SHD: variants seen among roughly 807,000 people sequenced by gnomAD.
The protein encoded by SHD is SH2 domain-containing adapter protein D.
Under a neutral mutation model 31.2 loss-of-function variants are expected in SHD, and 29 were observed. The ratio of observed to expected loss-of-function variants is 0.93; its 90% CI spans 0.69 to 1.27. The LOEUF (loss-of-function observed/expected upper bound fraction) is 1.27, where lower values mean the gene tolerates loss of function less well. SHD is among the 50% of genes most tolerant of loss of function. SHD has a pLI of 0.00. For synonymous variants in SHD, 208 were observed against 187.8 expected (o/e 1.11, Z -0.88); for missense variants, 520 against 453.8 (o/e 1.15, Z -1.33).
At chr19:4,286,200 C>T (rs1256680458) in intron 4 of SHD, among the ~76,000 whole-genome samples, 2 of 130,644 alleles carry the variant, frequency 1.5e-5, no homozygotes, top group Admixed American at 8.3e-5. Flanking sequence ...CCCGCTCTTT[C>T]TTTTTCTTTC....
rs1379878481 is a variant in SHD at position 4,282,628 on chromosome 19, A to C, written c.298-242A>C. 4.6e-5 allele frequency among the ~76,000 whole-genome samples: 7 copies of C among 152,060 alleles called. No individual in the cohort carries two copies. The South Asian group carries it at 1.0e-3, about 23-fold the overall frequency. On this transcript the variant is annotated intron_variant, in intron 1 of 5. Transcript: ENST00000543264. Reference sequence around the variant, plus strand: ...CTACTCGGGAGGCTGAGGCAGGAGAATGACGTGAACCCAGGAGGCAGAGCT... The same window carrying C: ...CTACTCGGGAGGCTGAGGCAGGAGACTGACGTGAACCCAGGAGGCAGAGCT...
At chr19:4,284,632 C>A in intron 3 of SHD, 149 bp from the exon 4 acceptor site, 1 of 966,166 alleles carries the variant, frequency 1.0e-6, no homozygotes, top group Non-Finnish European at 1.4e-6. Flanking sequence ...TGTGGCCAAT[C>A]CTGCCCCTGC....
chr19:4,290,638 G>T lies in SHD; in HGVS notation c.*5G>T. The T allele has an allele frequency of 2.5e-6, 4 of 1,588,930 alleles. No homozygotes were observed. Among genetic ancestry groups the T allele is most frequent in the Non-Finnish European group, 3.4e-6 (4 of 1,164,690 alleles). The stretch of plus-strand genomic sequence containing the variant: ...GTGGTCACGCAGACCCCCTGACAGT[G>T]ACCCTCGGCCCCCTTTTGAGTCCTC... On this transcript the variant is annotated 3_prime_UTR_variant, in exon 6 of 6. Coordinates refer to ENST00000543264, the MANE Select transcript of SHD (RefSeq NM_020209.4).
chr19:4,287,809 A>G (rs1263974307), intron 4 of SHD, among the ~76,000 whole-genome samples: 6 of 151,966 alleles, frequency 3.9e-5, no homozygotes, highest in African/African-American at 1.5e-4. Context: ...AGAAAACTCC[A>G]AGGGAATTGT....
rs1340723246 is a variant in SHD at position 4,285,934 on chromosome 19, C to G, written c.716+1030C>G. Among the ~76,000 whole-genome samples, 24 of 130,018 alleles carry G rather than the reference C, an allele frequency of 1.8e-4. No homozygotes were observed. The Admixed American group carries it at 2.2e-3, about 12-fold the overall frequency. 85.3% of individuals were successfully genotyped at this position (130,018 alleles called of 152,430 possible). A position where few individuals can be genotyped will look rare whatever the true frequency, so the allele number is the denominator to read the frequency against. ...TTGACAGAGCCTCGCTCTTGTCGCC[C>G]AGGCTGGAGTGCAATGACACAATCT... On this transcript the variant is annotated intron_variant, in intron 4 of 5. Coordinates refer to ENST00000543264, the MANE Select transcript of SHD (RefSeq NM_020209.4).
At chr19:4,288,200 G>C in intron 4 of SHD, 43 bp from the exon 5 acceptor site, 2 of 1,595,244 alleles carry the variant, frequency 1.3e-6, no homozygotes, top group Non-Finnish European at 1.7e-6. Flanking sequence ...GAGTGTGTTT[G>C]AAGGGAATGG....
chr19:4,282,194 C>T (rs899871989), intron 1 of SHD, among the ~76,000 whole-genome samples: 1 of 151,938 alleles, frequency 6.6e-6, no homozygotes, highest in Non-Finnish European at 1.5e-5. Flanking sequence ...CTGAAGCGGG[C>T]GGATCATCTG....
chr19:4,288,858 G>A (rs1391372149), intron 5 of SHD, among the ~76,000 whole-genome samples: 1 of 152,096 alleles, frequency 6.6e-6, no homozygotes, highest in Non-Finnish European at 1.5e-5. Context: ...GATTGGGGCT[G>A]AGCGCGGCAG....
intron 4 of SHD, among the ~76,000 whole-genome samples, chr19:4,287,829 T>G (rs1971335955): frequency 1.3e-5 from 2 of 151,986 alleles, no homozygotes; most frequent in East Asian, 3.9e-4. Context: ...TCCTTCTTCA[T>G]TTGCCCAGAT....
chr19:4,290,332 G>C, intron 5 of SHD, 115 bp from the exon 6 acceptor site: 1 of 1,106,618 alleles, frequency 9.0e-7, no homozygotes, highest in Admixed American at 2.4e-5. Context: ...CTGTTTACCA[G>C]AGACTGGAGA....
intron 5 of SHD, 29 bp from the exon 6 acceptor site, chr19:4,290,418 C>G (rs373327277): frequency 8.2e-6 from 13 of 1,594,336 alleles, no homozygotes; most frequent in South Asian, 8.0e-5. Context: ...CCGGGATGCT[C>G]AGGAGTCCCT....
intron 3 of SHD, 194 bp from the exon 4 acceptor site, chr19:4,284,587 G>T (rs1599513144): frequency 2.0e-6 from 1 of 490,900 alleles, no homozygotes; most frequent in Non-Finnish European, 3.3e-6. Context: ...ATAAATGACC[G>T]CACCTATTTC....
chr19:4,280,160 GC>G lies in SHD; in HGVS notation c.99del (p.Tyr34ThrfsTer74). 6.2e-7 allele frequency: 1 copy of G among 1,613,924 alleles called. No homozygotes were observed. The highest frequency in any genetic ancestry group is 8.5e-7 in the Non-Finnish European group (1 of 1,179,988). On this transcript the variant is annotated frameshift_variant, in exon 1 of 6. Transcript: ENST00000543264. LOFTEE classifies it high-confidence loss of function. Reference protein sequence around the residue: ...PDYTESDILRAYRAQKNLDFE... With the variant: ...PDYTESDILRXYRAQKNLDFE... ...CTACACCGAGAGCGACATCCTGAGG[GC>G]CTACCGCGCGCAGAAGAACCTGGAC...
chr19:4,283,256 C>T lies in SHD; in HGVS notation c.592+14C>T. ...GGGCGTTTGCAGGTGCTTCTCAGACCCACACTCTGACATCTGAATGCCCCA... is the reference window on the plus strand; with the variant it reads ...GGGCGTTTGCAGGTGCTTCTCAGACTCACACTCTGACATCTGAATGCCCCA... On this transcript the variant is annotated intron_variant, in intron 3 of 5. Coordinates refer to ENST00000543264, the MANE Select transcript of SHD (RefSeq NM_020209.4). The T allele has an allele frequency of 6.2e-7, 1 of 1,600,882 alleles. No homozygotes were observed. Among genetic ancestry groups the T allele is most frequent in the Non-Finnish European group, 8.6e-7 (1 of 1,169,552 alleles).
Position 4,280,305 on chromosome 19 carries a change from T to A in SHD, c.242T>A (p.Val81Glu), listed in dbSNP as rs764749515. ...YGSPKHRLIKVEAADMARAKA... is the reference protein window; with the variant it reads ...YGSPKHRLIKEEAADMARAKA... ...TCTCCCAAGCACCGGCTCATCAAGG[T>A]GGAGGCTGCGGATATGGCCAGAGCC... The change falls in exon 1 of 6, where the codon GTG becomes GAG. Residue 81 changes from valine to glutamate, a missense_variant. Transcript: ENST00000543264. The A allele has an allele frequency of 6.2e-7, 1 of 1,607,294 alleles. No homozygotes were observed. Among genetic ancestry groups the A allele is most frequent in the African/African-American group, 1.3e-5 (1 of 74,836 alleles).
Position 4,284,799 on chromosome 19 carries a change from A to T in SHD, c.611A>T (p.Glu204Val). The T allele has an allele frequency of 6.2e-7, 1 of 1,610,240 alleles. No homozygotes were observed. Among genetic ancestry groups the T allele is most frequent in the Non-Finnish European group, 8.5e-7 (1 of 1,177,940 alleles). Residue 204 changes from glutamate to valine, a missense_variant, in exon 4 of 6, where the codon GAG (glutamate) becomes GTG (valine). Glu to Val is a moderately radical substitution (Grantham distance 121). Transcript: ENST00000543264. ...RAFAVQFDSP[E>V]WERTPGSAKE... is the part of the protein sequence containing the mutation. ...TTTCCAGTGCAGTTTGACAGTCCAG[A>T]GTGGGAGAGGACTCCAGGCTCAGCC...
intron 4 of SHD, among the ~76,000 whole-genome samples, chr19:4,287,331 C>CAAA (rs113041848): frequency 0.14 from 19,881 of 145,646 alleles, 1,558 homozygotes; most frequent in South Asian, 0.27. Flanking sequence ...GACTCTGTCT[C>CAAA]AAAAAAAAAG....
intron 5 of SHD, among the ~76,000 whole-genome samples, chr19:4,289,211 C>T (rs1343165847): frequency 2.0e-5 from 3 of 147,778 alleles, no homozygotes; most frequent in African/African-American, 5.0e-5. Context: ...CCCGGGTTCA[C>T]GCCATTCTCC....
At chr19:4,289,103 ATTTTTTTTTTTTT>A in intron 5 of SHD, among the ~76,000 whole-genome samples, 1 of 77,404 alleles carries the variant, frequency 1.3e-5, no homozygotes, top group South Asian at 5.6e-4. Context: ...TGCCCAGCTA[ATTTTTTTTTTTTT>A]TTTTTTTTTT....
Sources: gnomAD v4.1 joint callset for allele counts (sites outside exome capture counted in the v4.1 genomes callset) on GRCh38, gnomAD v4.1.1 for gene constraint, MANE v1.5 for transcripts, NCBI Gene and HGNC (gene_info 2026-07-23, HGNC 2026-07-21) for gene names.